EML5: variants seen among roughly 807,000 people sequenced by gnomAD.
The protein encoded by EML5 is EMAP like 5.
Under a neutral mutation model 250.0 loss-of-function variants are expected in EML5, and 120 were observed. That is an observed-to-expected ratio of 0.48 (90% confidence interval 0.41 to 0.56). The LOEUF is 0.56. Among genes scored for constraint, EML5 ranks in the 20% least tolerant of loss-of-function variants. EML5 has a pLI of 0.00. For missense variants in EML5, 2,006 were observed against 2,437.6 expected (o/e 0.82, Z 3.73); for synonymous variants, 771 against 806.5 (o/e 0.96, Z 0.75).
intron 12 of EML5, 132 bp downstream of exon 12, chr14:88,705,350 G>C: frequency 1.4e-6 from 1 of 737,340 alleles, no homozygotes; most frequent in South Asian, 1.7e-5. Flanking sequence ...CACTGACAGT[G>C]GGAAAACTAA....
intron 1 of EML5, among the ~76,000 whole-genome samples, chr14:88,756,118 T>C (rs2094155836): frequency 6.6e-6 from 1 of 151,958 alleles, no homozygotes; most frequent in African/African-American, 2.4e-5. Flanking sequence ...ATTTGAATGG[T>C]TTGGGGTGGT....
chr14:88,634,323 G>A, intron 33 of EML5, 146 bp downstream of exon 33: 1 of 534,476 alleles, frequency 1.9e-6, no homozygotes, highest in Non-Finnish European at 3.2e-6. Flanking sequence ...GTGGAGCTGT[G>A]AGCCAATTAA....
intron 33 of EML5, 42 bp from the exon 34 acceptor site, chr14:88,627,861 T>C (rs1189593655): frequency 2.0e-6 from 3 of 1,505,164 alleles, no homozygotes; most frequent in Non-Finnish European, 2.7e-6. Context: ...CTACCTGTTA[T>C]AAATATTTCT....
At chr14:88,661,517 CATA>C in intron 25 of EML5, 134 bp downstream of exon 25, 1 of 748,776 alleles carries the variant, frequency 1.3e-6, no homozygotes, top group Non-Finnish European at 2.1e-6. Context: ...AGATATGAAA[CATA>C]ATTCTGAACC....
At position 88,615,073 on chromosome 14, in the gene EML5, T is replaced by C. The variant is rs577994227; in HGVS notation, c.*745A>G. ...TGGGAATGATTGTTCATCATACTAC[T>C]TTTCCATTAGTGAGGCTACAGTTAT... On this transcript the variant is annotated 3_prime_UTR_variant, in exon 44 of 44. Transcript: ENST00000554922. The C allele has an allele frequency of 6.6e-6, 1 of 152,324 alleles. No individual in the cohort carries two copies. Among genetic ancestry groups the C allele is most frequent in the East Asian group, 1.9e-4 (1 of 5,186 alleles). 9.4% of individuals were successfully genotyped at this position (152,324 alleles called of 1,614,324 possible).
intron 17 of EML5, among the ~76,000 whole-genome samples, chr14:88,690,902 C>G (rs1454503279): frequency 6.6e-6 from 1 of 152,148 alleles, no homozygotes; most frequent in Non-Finnish European, 1.5e-5. Context: ...AGGCTGAATG[C>G]CAAATCCTGC....
chr14:88,680,828 G>A (rs558270949), intron 21 of EML5, among the ~76,000 whole-genome samples: 14 of 151,958 alleles, frequency 9.2e-5, no homozygotes, highest in Middle Eastern at 3.4e-3. Flanking sequence ...ATTCCCACAG[G>A]TAAAGTCCAA....
At chr14:88,652,386 A>C (rs2091671649) in intron 27 of EML5, among the ~76,000 whole-genome samples, 1 of 152,036 alleles carries the variant, frequency 6.6e-6, no homozygotes, top group African/African-American at 2.4e-5. Context: ...AAGATCTCTC[A>C]GTTCTCCCTT....
rs115392262 is a variant in EML5, at chr14:88,755,104, G to A, written c.198-433C>T. Among the ~76,000 whole-genome samples the A allele has an allele frequency of 5.1e-3, 778 of 152,242 alleles. 6 individuals are homozygous for A. Among genetic ancestry groups the A allele is most frequent in the African/African-American group, 0.018 (749 of 41,550 alleles). ...ATGGTGTGAGCCACCACGCCCAGCA[G>A]GTAATTTGGATTTAAAATAAATAGC... On this transcript the variant is annotated intron_variant, in intron 1 of 43. Coordinates refer to ENST00000554922, the MANE Select transcript of EML5 (RefSeq NM_183387.3).
intron 6 of EML5, 127 bp downstream of exon 6, chr14:88,738,752 G>C: frequency 8.9e-7 from 1 of 1,127,274 alleles, no homozygotes; most frequent in East Asian, 2.7e-5. Flanking sequence ...AATGCATACA[G>C]GGTGAAGAGG....
At chr14:88,682,935 C>A (rs1176669326) in intron 20 of EML5, among the ~76,000 whole-genome samples, 1 of 152,210 alleles carries the variant, frequency 6.6e-6, no homozygotes, top group East Asian at 1.9e-4. Flanking sequence ...AACTCCAGAG[C>A]CCTGGTTCAG....
intron 8 of EML5, among the ~76,000 whole-genome samples, chr14:88,720,771 G>C (rs2093577390): frequency 6.6e-6 from 1 of 152,106 alleles, no homozygotes; most frequent in Non-Finnish European, 1.5e-5. Flanking sequence ...TGAAGTTCTG[G>C]CCAGGGAAAT....
intron 21 of EML5, among the ~76,000 whole-genome samples, chr14:88,675,833 C>T (rs1172563601): frequency 2.0e-5 from 3 of 152,100 alleles, no homozygotes; most frequent in Non-Finnish European, 4.4e-5. Context: ...ATTTCTTCTA[C>T]TAGATACCCT....
At position 88,649,914 on chromosome 14, in the gene EML5, T is replaced by C; in HGVS notation, c.4017A>G (p.Val1339=). Residue 1339 remains valine, a splice_region_variant and synonymous_variant, in exon 28 of 44, where the codon GTA becomes GTG. Transcript: ENST00000554922. The part of the protein sequence containing the change: ...EPSIDERQGV[V]RGSRPPVSRA... ...ATTTTCTTTTATAAAACACTTACCTTACTACTCCCTGCCTTCAAAAGGAGC... is the reference window on the plus strand; with the variant it reads ...ATTTTCTTTTATAAAACACTTACCTCACTACTCCCTGCCTTCAAAAGGAGC... The C allele has an allele frequency of 4.7e-6, 7 of 1,491,784 alleles. No homozygotes were observed. Among genetic ancestry groups the C allele is most frequent in the Non-Finnish European group, 6.2e-6 (7 of 1,121,522 alleles). 92.4% of individuals were successfully genotyped at this position (1,491,784 alleles called of 1,614,324 possible).
In EML5 at chr14:88,712,474, TC is replaced by T. The variant is rs1175468086; in HGVS notation, c.1453del (p.Glu485LysfsTer2). The T allele has an allele frequency of 6.2e-7, 1 of 1,609,202 alleles. No homozygotes were observed. Among genetic ancestry groups the T allele is most frequent in the Non-Finnish European group, 8.5e-7 (1 of 1,176,578 alleles). Reference sequence around the variant, plus strand: ...TTTTATTTCTTCTGTACTTGTCACTTCCTTTCCTCCTAAAAATAAATCAGAG... The same window carrying T: ...TTTTATTTCTTCTGTACTTGTCACTTCTTTCCTCCTAAAAATAAATCAGAG... The part of the protein sequence containing the change: ...RLFYRMPGGK[E>X]VTSTEEIKGV... On this transcript the variant is annotated frameshift_variant, in exon 10 of 44. Transcript: ENST00000554922. LOFTEE classifies it high-confidence loss of function.
At position 88,733,203 on chromosome 14, in the gene EML5, T is replaced by C. The variant is rs76243347; in HGVS notation, c.1049+3161A>G. 5.6e-3 allele frequency among the ~76,000 whole-genome samples: 855 copies of C among 152,356 alleles called. 9 individuals are homozygous for C. Among genetic ancestry groups the C allele is most frequent in the South Asian group, 0.052 (249 of 4,832 alleles). On this transcript the variant is annotated intron_variant, in intron 7 of 43. Transcript: ENST00000554922. ...TAATTTATAGCTTTAGCACCATACGTTGGACTATCCTCCTTTGGCAAATGC... is the reference window on the plus strand; with the variant it reads ...TAATTTATAGCTTTAGCACCATACGCTGGACTATCCTCCTTTGGCAAATGC...
Position 88,716,872 on chromosome 14 carries a change from C to T in EML5, c.1188-1677G>A, listed in dbSNP as rs74075865. On this transcript the variant is annotated intron_variant, in intron 8 of 43. Coordinates refer to ENST00000554922, the MANE Select transcript of EML5 (RefSeq NM_183387.3). ...GACCACTCTCTCACATGAAGAGTTT[C>T]TCTGACAAATTTAAAGCAAAGACGA... 2.7e-3 allele frequency among the ~76,000 whole-genome samples: 404 copies of T among 152,186 alleles called. 3 individuals are homozygous for T. The highest frequency in any genetic ancestry group is 9.1e-3 in the African/African-American group (379 of 41,542).
intron 21 of EML5, among the ~76,000 whole-genome samples, chr14:88,675,307 A>G (rs570945863): frequency 1.3e-5 from 2 of 152,138 alleles, no homozygotes; most frequent in Admixed American, 6.5e-5. Context: ...AGGCATTTCC[A>G]TACATCCTCT....
chr14:88,662,446 C>T (rs1480690458), intron 24 of EML5, among the ~76,000 whole-genome samples: 3 of 148,086 alleles, frequency 2.0e-5, no homozygotes, highest in Non-Finnish European at 4.4e-5. Flanking sequence ...TGCAATACTC[C>T]AATCTTAGAT....
Sources: allele counts gnomAD v4.1 joint callset (sites outside exome capture counted in the v4.1 genomes callset), GRCh38; gene constraint gnomAD v4.1.1; transcripts MANE v1.5; gene names NCBI Gene and HGNC (gene_info 2026-07-23, HGNC 2026-07-21).